Variants in CRACDL observed in about 807,000 individuals in gnomAD.
CRACDL encodes CRACD like.
CRACDL carries 26 observed loss-of-function variants against 70.6 expected under a neutral mutation model. The ratio of observed to expected loss-of-function variants is 0.37; its 90% CI spans 0.27 to 0.51. The LOEUF (loss-of-function observed/expected upper bound fraction) is 0.51. Among genes scored for constraint, CRACDL ranks in the 20% least tolerant of loss-of-function variants. CRACDL has a pLI of 0.94. For missense variants in CRACDL, 1,283 were observed against 1,376.9 expected (o/e 0.93, Z 1.08); for synonymous variants, 618 against 615.2 (o/e 1.00, Z -0.07).
chr2:98,823,392 C>T lies in CRACDL; in HGVS notation c.881G>A (p.Gly294Glu). 1 of 1,546,636 alleles carries T rather than the reference C, an allele frequency of 6.5e-7. No individual in the cohort carries two copies. The change falls in exon 7 of 10, where the codon GGG (glycine) becomes GAG (glutamate). Residue 294 changes from glycine (G) to glutamate (E), a missense_variant. Transcript: ENST00000397899. This position sits in a 1 kb window ranked among gnomAD's most constrained non-coding sequence, Gnocchi z 4.0. ...DVAPDRGPEP[G>E]PPAPLPPPGG... Reference sequence around the variant, plus strand: ...GGGTGGCGGCAAGGGCGCCGGTGGCCCAGGCTCAGGGCCTCTGTCTGGCGC... The same window carrying T: ...GGGTGGCGGCAAGGGCGCCGGTGGCTCAGGCTCAGGGCCTCTGTCTGGCGC...
At position 98,892,849 on chromosome 2, in the gene CRACDL, G is replaced by A. The variant is rs148852754; in HGVS notation, c.-11+43089C>T. ...TGATAGACCCAGCTGGACTCCTTAC[G>A]GTGAAAGCAGAAACCCACTGCACCC... On this transcript the variant is annotated intron_variant, in intron 1 of 9. Coordinates refer to ENST00000397899, the MANE Select transcript of CRACDL (RefSeq NM_207362.3). 2.8e-3 allele frequency among the ~76,000 whole-genome samples: 432 copies of A among 152,104 alleles called. 3 individuals carry two copies. Among genetic ancestry groups the A allele is most frequent in the African/African-American group, 0.01 (418 of 41,468 alleles).
intron 7 of CRACDL, among the ~76,000 whole-genome samples, chr2:98,804,139 T>C (rs376584894): frequency 6.6e-6 from 1 of 152,196 alleles, no homozygotes; most frequent in South Asian, 2.1e-4. Flanking sequence ...GATCTCACTG[T>C]GGAACTCAGG....
chr2:98,895,594 A>G (rs935285459), intron 1 of CRACDL, among the ~76,000 whole-genome samples: 3 of 152,096 alleles, frequency 2.0e-5, no homozygotes, highest in African/African-American at 7.2e-5. Flanking sequence ...GGGGAAGGGA[A>G]CTAAGTAGAG....
chr2:98,869,069 A>C, intron 1 of CRACDL: 1 of 1,302,352 alleles, frequency 7.7e-7, no homozygotes, highest in Non-Finnish European at 1.0e-6. Context: ...TTGCTCTCAG[A>C]GGGCCCACCT....
At chr2:98,819,746 C>T (rs568099162) in intron 7 of CRACDL, among the ~76,000 whole-genome samples, 1 of 152,056 alleles carries the variant, frequency 6.6e-6, no homozygotes, top group Non-Finnish European at 1.5e-5. Context: ...TGCAGGATTC[C>T]CTAAGAAAGC....
chr2:98,838,082 G>A (rs1273526246), intron 3 of CRACDL, 37 bp downstream of exon 3: 1 of 1,547,726 alleles, frequency 6.5e-7, no homozygotes. Context: ...CATGTATTTA[G>A]GTGCTCCTGG....
chr2:98,851,429 T>C (rs2104548631), intron 1 of CRACDL, among the ~76,000 whole-genome samples: 1 of 152,202 alleles, frequency 6.6e-6, no homozygotes, highest in Non-Finnish European at 1.5e-5. Flanking sequence ...CCAGAAAGAG[T>C]GACTCTTGGT....
intron 1 of CRACDL, among the ~76,000 whole-genome samples, chr2:98,919,392 A>G (rs1252319168): frequency 6.6e-6 from 1 of 152,182 alleles, no homozygotes; most frequent in Non-Finnish European, 1.5e-5. Context: ...CTATCTCATT[A>G]AGAAGTTCAT....
intron 1 of CRACDL, among the ~76,000 whole-genome samples, chr2:98,911,832 C>T (rs1330246800): frequency 6.6e-6 from 1 of 152,112 alleles, no homozygotes; most frequent in Non-Finnish European, 1.5e-5. Context: ...AAACCCCAAA[C>T]GTACCAATCT....
At chr2:98,919,817 A>T (rs2104690765) in intron 1 of CRACDL, among the ~76,000 whole-genome samples, 1 of 152,338 alleles carries the variant, frequency 6.6e-6, no homozygotes, top group South Asian at 2.1e-4. Context: ...CAGTGGTGTG[A>T]TCACAGCTCA....
rs187686771 is a variant in CRACDL at position 98,818,729 on chromosome 2, C to A, written c.2416+3128G>T. ...TGATAATAATCAATGAAAGCACAAACAGATTTGGCATCTAGGGAAAGTGTG... is the reference window on the plus strand; with the variant it reads ...TGATAATAATCAATGAAAGCACAAAAAGATTTGGCATCTAGGGAAAGTGTG... On this transcript the variant is annotated intron_variant, in intron 7 of 9. Transcript: ENST00000397899. 3.2e-3 allele frequency among the ~76,000 whole-genome samples: 491 copies of A among 152,324 alleles called. 2 individuals are homozygous for A. Among genetic ancestry groups the A allele is most frequent in the Non-Finnish European group, 6.0e-3 (407 of 68,040 alleles).
At chr2:98,849,240 C>T (rs376629929) in intron 1 of CRACDL, among the ~76,000 whole-genome samples, 7 of 152,142 alleles carry the variant, frequency 4.6e-5, no homozygotes, top group South Asian at 2.1e-4. Context: ...GGGGTTTCTT[C>T]GTCTGGGGAA....
chr2:98,933,710 C>A (rs1709140287), intron 1 of CRACDL, among the ~76,000 whole-genome samples: 1 of 152,182 alleles, frequency 6.6e-6, no homozygotes, highest in Non-Finnish European at 1.5e-5. Flanking sequence ...TCCAGGCCCA[C>A]CAGGACATCA....
At chr2:98,908,052 G>A (rs746859183) in intron 1 of CRACDL, among the ~76,000 whole-genome samples, 7 of 152,326 alleles carry the variant, frequency 4.6e-5, no homozygotes, top group East Asian at 3.9e-4. Context: ...CATCTCCGAC[G>A]TCAGGTAGAA....
At position 98,821,978 on chromosome 2, in the gene CRACDL, C is replaced by G. The variant is rs955437607; in HGVS notation, c.2295G>C (p.Lys765Asn). The change falls in exon 7 of 10, where the codon AAG (lysine) becomes AAC (asparagine). Residue 765 changes from lysine (K) to asparagine (N), a missense_variant. Physicochemically the swap from Lys to Asn is moderately conservative, Grantham distance 94. Transcript: ENST00000397899. ...GGAGCGTGAAGCTCTGCAGAAGCGG[C>G]TTCCGGGGCAGGGGCGGCTTGGAGC... Reference protein sequence around the residue: ...PLSSKPPLPRKPLLQSFTLPH... With the variant: ...PLSSKPPLPRNPLLQSFTLPH... 3 of 1,531,670 alleles carry G rather than the reference C, an allele frequency of 2.0e-6. No individual in the cohort carries two copies. The highest frequency in any genetic ancestry group is 2.6e-6 in the Non-Finnish European group (3 of 1,140,180). 94.9% of individuals were successfully genotyped at this position (1,531,670 alleles called of 1,614,324 possible).
At chr2:98,918,324 G>A (rs532836070) in intron 1 of CRACDL, among the ~76,000 whole-genome samples, 1 of 152,044 alleles carries the variant, frequency 6.6e-6, no homozygotes, top group Non-Finnish European at 1.5e-5. Context: ...CTTGAGTTCA[G>A]GAGTTCGAGA....
chr2:98,876,921 G>A (rs1261715078), intron 1 of CRACDL, among the ~76,000 whole-genome samples: 1 of 152,154 alleles, frequency 6.6e-6, no homozygotes, highest in Admixed American at 6.5e-5. Context: ...CTGTCTAATG[G>A]GATTAGTAAC....
rs551912252 is a variant in CRACDL at position 98,823,139 on chromosome 2, T to G, written c.1134A>C (p.Ala378=). The change falls in exon 7 of 10, where the codon GCA becomes GCC. Residue 378 remains alanine (A), a synonymous_variant. Transcript: ENST00000397899. The surrounding 1 kb of genome is among the most constrained non-coding windows in gnomAD (Gnocchi z 4.0). Reference sequence around the variant, plus strand: ...TGTCCGTGGCCGGGGCACACGGGCCTGCGGGGGGCGCCTCCCCATCCTGCT... The same window carrying G: ...TGTCCGTGGCCGGGGCACACGGGCCGGCGGGGGGCGCCTCCCCATCCTGCT... The part of the protein sequence containing the change: ...GGKQDGEAPP[A]GPCAPATDKA... The G allele has an allele frequency of 8.3e-5, 130 of 1,561,710 alleles. No individual in the cohort carries two copies. The South Asian group carries it at 1.4e-3, about 17-fold the overall frequency.
At position 98,823,625 on chromosome 2, in the gene CRACDL, G is replaced by A; in HGVS notation, c.736-88C>T. 1 of 1,475,804 alleles carries A rather than the reference G, an allele frequency of 6.8e-7. No individual in the cohort carries two copies. Among genetic ancestry groups the A allele is most frequent in the Non-Finnish European group, 9.1e-7 (1 of 1,093,724 alleles). 91.4% of individuals were successfully genotyped at this position (1,475,804 alleles called of 1,614,324 possible). ...CCCACTTTTTTCAAGGCTTATAATG[G>A]TTTAGTGATAGCAGCACTATAAAGC... On this transcript the variant is annotated intron_variant, in intron 6 of 9. Transcript: ENST00000397899. The surrounding 1 kb of genome is among the most constrained non-coding windows in gnomAD (Gnocchi z 4.0).
Sources: gnomAD v4.1 joint callset for allele counts (sites outside exome capture counted in the v4.1 genomes callset) on GRCh38, gnomAD v4.1.1 for gene constraint, Gnocchi (gnomAD v3.1) non-coding constraint, MANE v1.5 for transcripts, NCBI Gene and HGNC (gene_info 2026-07-23, HGNC 2026-07-21) for gene names.